Variants in GNL2 observed in about 807,000 individuals in gnomAD.
The protein encoded by GNL2 is G protein nucleolar 2.
Under a neutral mutation model 92.3 loss-of-function variants are expected in GNL2, and 51 were observed. The ratio of observed to expected loss-of-function variants is 0.55; its 90% CI spans 0.44 to 0.70. The LOEUF (loss-of-function observed/expected upper bound fraction) is 0.70, where lower values mean the gene tolerates loss of function less well. Ranked by LOEUF, GNL2 falls within the 30% of genes least tolerant of loss-of-function variation. GNL2 has a pLI of 0.00. For synonymous variants in GNL2, 283 were observed against 300.6 expected (o/e 0.94, Z 0.61); for missense variants, 844 against 895.6 (o/e 0.94, Z 0.74).
chr1:37,588,630 TACACATTAGTAAGTATAAC>T (rs113777630), intron 4 of GNL2, among the ~76,000 whole-genome samples: 142 of 152,332 alleles, frequency 9.3e-4, no homozygotes, highest in Middle Eastern at 3.4e-3. Flanking sequence ...TCTATAAACC[TACACATTAGTAAGTATAAC>T]ACACATTAGT....
At chr1:37,574,875 G>C in intron 10 of GNL2, 52 bp from the exon 11 acceptor site, 3 of 1,310,996 alleles carry the variant, frequency 2.3e-6, no homozygotes, top group Non-Finnish European at 3.3e-6. Context: ...TGGAAGCAGT[G>C]AAGTTCCCAG....
intron 1 of GNL2, among the ~76,000 whole-genome samples, chr1:37,594,381 A>G (rs138955743): frequency 1.3e-5 from 2 of 152,328 alleles, no homozygotes; most frequent in African/African-American, 4.8e-5. Context: ...TAATTTTGAT[A>G]TATGTGTTCT....
Position 37,567,778 on chromosome 1 carries a change from A to G in GNL2, c.1952-14T>C, listed in dbSNP as rs763666254. The stretch of plus-strand genomic sequence containing the variant: ...TTTTGGAAGGTGCTGGATACAAACA[A>G]TACACAAACAGGAATTTTCTATTGA... On this transcript the variant is annotated splice_polypyrimidine_tract_variant and intron_variant, in intron 14 of 15. Coordinates refer to ENST00000373062, the MANE Select transcript of GNL2 (RefSeq NM_013285.3). 14 of 1,591,240 alleles carry G rather than the reference A, an allele frequency of 8.8e-6. No individual in the cohort carries two copies. The highest frequency in any genetic ancestry group is 2.6e-6 in the Non-Finnish European group (3 of 1,159,426).
At chr1:37,572,251 C>T (rs1349662687) in intron 12 of GNL2, among the ~76,000 whole-genome samples, 1 of 152,210 alleles carries the variant, frequency 6.6e-6, no homozygotes, top group East Asian at 1.9e-4. Context: ...AAATGTCACA[C>T]TTCCTGGCAC....
At chr1:37,595,665 C>T in intron 1 of GNL2, 94 bp downstream of exon 1, 1 of 1,038,742 alleles carries the variant, frequency 9.6e-7, no homozygotes, top group Non-Finnish European at 1.5e-6. Flanking sequence ...TAAGCAATGC[C>T]ACTCGAGTAA....
At chr1:37,580,881 A>AGTCATGCCT (rs1290684522) in intron 8 of GNL2, among the ~76,000 whole-genome samples, 2 of 152,254 alleles carry the variant, frequency 1.3e-5, no homozygotes, top group Non-Finnish European at 1.5e-5. Flanking sequence ...CTAATATTTT[A>AGTCATGCCT]CAGTCATGAC....
intron 13 of GNL2, 80 bp from the exon 14 acceptor site, chr1:37,568,437 A>C: frequency 1.1e-6 from 1 of 896,428 alleles, no homozygotes; most frequent in Non-Finnish European, 1.8e-6. Flanking sequence ...CGACAAACTC[A>C]CAGACTAAAG....
intron 8 of GNL2, among the ~76,000 whole-genome samples, chr1:37,580,682 C>T (rs893215604): frequency 2.6e-5 from 4 of 152,216 alleles, no homozygotes; most frequent in Non-Finnish European, 4.4e-5. Flanking sequence ...CTGCGGAGGA[C>T]GGAGTGCTGG....
intron 7 of GNL2, among the ~76,000 whole-genome samples, chr1:37,582,553 T>C (rs559111311): frequency 1.8e-4 from 28 of 152,356 alleles, no homozygotes; most frequent in African/African-American, 3.6e-4. Context: ...AATGTCTTCA[T>C]TGTTACTAAA....
In GNL2 at chr1:37,582,268, C is replaced by A; in HGVS notation, c.864G>T (p.Pro288=). ...TLAFHASLTN[P]FGKGAFIQLL... is the part of the protein sequence containing the mutation. ...GCTGAATGAATGCTCCCTTGCCAAA[C>A]GGGTTAGTAAGGCTTGCATGGAAAG... The change falls in exon 8 of 16, where the codon CCG becomes CCT. Residue 288 remains proline, a synonymous_variant. Transcript: ENST00000373062. 3 of 1,612,746 alleles carry A rather than the reference C, an allele frequency of 1.9e-6. No homozygotes were observed. In the South Asian group the frequency reaches 3.3e-5, roughly 18 times the overall value.
intron 15 of GNL2, 110 bp from the exon 16 acceptor site, chr1:37,567,117 C>T: frequency 8.8e-7 from 1 of 1,132,312 alleles, no homozygotes; most frequent in Middle Eastern, 2.0e-4. Flanking sequence ...TCCCGTGCTG[C>T]TTCCACAGCT....
In GNL2 at chr1:37,583,889, C is replaced by T; in HGVS notation, c.614G>A (p.Arg205Lys). Reference protein sequence around the residue: ...EEIYKKGQSKRIWGELYKVID... With the variant: ...EEIYKKGQSKKIWGELYKVID... The stretch of plus-strand genomic sequence containing the variant: ...TACCTTGTAGAGCTCACCCCATATT[C>T]TTTTGGACTGTCCCTTTTTATAGAT... Residue 205 changes from arginine to lysine, a missense_variant, in exon 6 of 16, where the codon AGA becomes AAA. Physicochemically the swap from Arg to Lys is conservative, Grantham distance 26. Transcript: ENST00000373062. The T allele has an allele frequency of 6.3e-7, 1 of 1,589,172 alleles. No homozygotes were observed. The highest frequency in any genetic ancestry group is 8.6e-7 in the Non-Finnish European group (1 of 1,157,008).
chr1:37,587,871 A>G (rs1310390655), intron 4 of GNL2, among the ~76,000 whole-genome samples: 1 of 152,236 alleles, frequency 6.6e-6, no homozygotes, highest in East Asian at 1.9e-4. Context: ...CATTTTTTAT[A>G]GCTTTCAAAC....
intron 8 of GNL2, among the ~76,000 whole-genome samples, chr1:37,580,237 TACAGTGAGCTGTGGTTGTGCCA>T (rs910089302): frequency 2.5e-4 from 38 of 152,198 alleles, no homozygotes; most frequent in Non-Finnish European, 4.3e-4. Flanking sequence ...AGTTTGAGGT[TACAGTGAGCTGTGGTTGTGCCA>T]CCACACTCCA....
In GNL2 at chr1:37,582,805, T is replaced by C. The variant is rs1643792443; in HGVS notation, c.768A>G (p.Lys256=). 1 of 1,613,586 alleles carries C rather than the reference T, an allele frequency of 6.2e-7. No homozygotes were observed. Among genetic ancestry groups the C allele is most frequent in the Non-Finnish European group, 8.5e-7 (1 of 1,179,888 alleles). The change falls in exon 7 of 16, where the codon AAA becomes AAG. Residue 256 remains lysine, a synonymous_variant. Coordinates refer to ENST00000373062, the MANE Select transcript of GNL2 (RefSeq NM_013285.3). ...PWKHLIFVLN[K]CDLVPTWATK... is the part of the protein sequence containing the mutation. ...TTGCCCAGGTTGGAACAAGGTCACA[T>C]TTGTTAAGTACAAAAATGAGGTGTT...
intron 4 of GNL2, among the ~76,000 whole-genome samples, 181 bp from the exon 5 acceptor site, chr1:37,587,676 A>C (rs1000985809): frequency 9.2e-5 from 14 of 152,244 alleles, no homozygotes; most frequent in Non-Finnish European, 1.9e-4. Flanking sequence ...AAATGGCACA[A>C]ACACTGGTTC....
rs769876412 is a variant in GNL2 at position 37,574,755 on chromosome 1, T to A, written c.1212A>T (p.Glu404Asp). The change falls in exon 11 of 16, where the codon GAA (glutamate) becomes GAT (aspartate). Residue 404 changes from glutamate to aspartate, a missense_variant. Glu to Asp is a conservative substitution (Grantham distance 45). Coordinates refer to ENST00000373062, the MANE Select transcript of GNL2 (RefSeq NM_013285.3). ...IGAVLERAKPEYISKTYKIDS... is the reference protein window; with the variant it reads ...IGAVLERAKPDYISKTYKIDS... ...CAATCTTGTATGTTTTGCTGATATA[T>A]TCTGGCTTTGCTCGTTCAAGTACAG... The A allele has an allele frequency of 6.2e-7, 1 of 1,613,920 alleles. No homozygotes were observed. The highest frequency in any genetic ancestry group is 1.1e-5 in the South Asian group (1 of 91,086).
At chr1:37,578,649 C>T (rs1643717084) in intron 8 of GNL2, among the ~76,000 whole-genome samples, 1 of 151,968 alleles carries the variant, frequency 6.6e-6, no homozygotes, top group African/African-American at 2.4e-5. Context: ...CCTCTGTCTC[C>T]TGGGCTCAAG....
chr1:37,586,460 A>G (rs11264074), intron 5 of GNL2, among the ~76,000 whole-genome samples: 113,942 of 151,962 alleles, frequency 0.75, 45,019 homozygotes, highest in East Asian at 0.96. Flanking sequence ...TATGATTAAA[A>G]TTATAGATAC....
Sources: gnomAD v4.1 joint callset for allele counts (sites outside exome capture counted in the v4.1 genomes callset) on GRCh38, gnomAD v4.1.1 for gene constraint, MANE v1.5 for transcripts, NCBI Gene and HGNC (gene_info 2026-07-23, HGNC 2026-07-21) for gene names.